The following FAR2 variants were observed in gnomAD, a reference collection of about 807,000 sequenced individuals.
FAR2 encodes the protein epididymis secretory protein Li 81.
Under a neutral mutation model 56.0 loss-of-function variants are expected in FAR2, and 19 were observed. That is an observed-to-expected ratio of 0.34 (90% CI 0.24 to 0.50). The LOEUF is 0.50. Ranked by LOEUF, FAR2 falls within the 20% of genes least tolerant of loss-of-function variation. The probability of loss-of-function intolerance (pLI) is 0.98; values close to 1 mark genes in which losing one functional copy is unlikely to be tolerated. For missense variants in FAR2, 508 were observed against 642.2 expected, an observed-to-expected ratio of 0.79 and a Z score of 2.26; for synonymous variants, 219 against 218.8, an observed-to-expected ratio of 1.00 and a Z score of -0.01.
At chr12:29,197,859 T>A (rs563005757) in intron 1 of FAR2, among the ~76,000 whole-genome samples, 3 of 152,246 alleles carry the variant, frequency 2.0e-5, no homozygotes, top group Admixed American at 1.3e-4. Context: ...ACCTCAGATA[T>A]TTGAACTCAA....
At chr12:29,197,644 A>G (rs34825983) in intron 1 of FAR2, among the ~76,000 whole-genome samples, 5,908 of 152,280 alleles carry the variant, frequency 0.039, 330 homozygotes, top group African/African-American at 0.13. Context: ...AAAACTTTTT[A>G]AACTTAACAA....
At chr12:29,152,510 C>A (rs1015049543) in intron 1 of FAR2, among the ~76,000 whole-genome samples, 4 of 152,210 alleles carry the variant, frequency 2.6e-5, no homozygotes, top group Non-Finnish European at 5.9e-5. Context: ...GCAATACACT[C>A]AGAACCACTG....
At chr12:29,256,640 G>A (rs1262731553) in intron 1 of FAR2, among the ~76,000 whole-genome samples, 1 of 152,258 alleles carries the variant, frequency 6.6e-6, no homozygotes, top group Non-Finnish European at 1.5e-5. Context: ...GGGAGGTGTG[G>A]AGGGAGAGGC....
At chr12:29,163,098 C>G (rs1277653112) in intron 1 of FAR2, among the ~76,000 whole-genome samples, 1 of 152,124 alleles carries the variant, frequency 6.6e-6, no homozygotes, top group Non-Finnish European at 1.5e-5. Context: ...GAGGGGAGAC[C>G]TGGGAACCCC....
intron 1 of FAR2, among the ~76,000 whole-genome samples, chr12:29,200,489 T>C (rs1454842095): frequency 1.3e-5 from 2 of 152,184 alleles, no homozygotes; most frequent in African/African-American, 4.8e-5. Flanking sequence ...AAATTTGGGA[T>C]GCTCTCTCTC....
intron 1 of FAR2, among the ~76,000 whole-genome samples, chr12:29,165,099 CT>C (rs1949813775): frequency 6.6e-6 from 1 of 152,162 alleles, no homozygotes; most frequent in African/African-American, 2.4e-5. Flanking sequence ...AATATTTTCT[CT>C]TTGTTTTCAG....
At chr12:29,310,974 C>G (rs1440580137) in intron 6 of FAR2, 54 bp from the exon 7 acceptor site, 6 of 1,323,214 alleles carry the variant, frequency 4.5e-6, no homozygotes, top group African/African-American at 1.4e-5. Context: ...ATACTTTAGC[C>G]CCAGCTATTA....
intron 2 of FAR2, among the ~76,000 whole-genome samples, chr12:29,282,515 C>T (rs186796006): frequency 1.3e-5 from 2 of 152,284 alleles, no homozygotes; most frequent in African/African-American, 4.8e-5. Context: ...TCTCTCCAGT[C>T]ACACATAATA....
At chr12:29,315,413 G>A (rs1372515872) in intron 8 of FAR2, among the ~76,000 whole-genome samples, 2 of 152,138 alleles carry the variant, frequency 1.3e-5, no homozygotes, top group Non-Finnish European at 2.9e-5. Context: ...CCATGGCTTT[G>A]CCTCCAAATG....
intron 4 of FAR2, 126 bp from the exon 5 acceptor site, chr12:29,307,532 T>C (rs1243721914): frequency 2.2e-6 from 2 of 923,896 alleles, no homozygotes; most frequent in Non-Finnish European, 3.2e-6. Context: ...CTTGGTATCA[T>C]GTGACTGTTC....
At chr12:29,317,346 G>A (rs1949467406) in intron 9 of FAR2, among the ~76,000 whole-genome samples, 1 of 152,174 alleles carries the variant, frequency 6.6e-6, no homozygotes, top group African/African-American at 2.4e-5. Context: ...ATGGCTAAGT[G>A]TGTATGAAAC....
At chr12:29,202,870 C>A (rs1348353971) in intron 1 of FAR2, among the ~76,000 whole-genome samples, 1 of 152,202 alleles carries the variant, frequency 6.6e-6, no homozygotes, top group Non-Finnish European at 1.5e-5. Context: ...AAATAAACCT[C>A]TTTTCTTTGT....
In FAR2 at chr12:29,286,084, C is replaced by T. The variant is rs924052756; in HGVS notation, c.190-7216C>T. 9.4e-5 allele frequency among the ~76,000 whole-genome samples: 10 copies of T among 106,724 alleles called. No homozygotes were observed. The South Asian group carries it at 2.3e-3, about 25-fold the overall frequency. The allele number at this position is 106,724 out of a possible 152,430, so 70.0% of individuals were successfully genotyped here. On this transcript the variant is annotated intron_variant, in intron 2 of 11. Coordinates refer to ENST00000536681, the MANE Select transcript of FAR2 (RefSeq NM_001271783.2). ...ACACAGACACACACACACACACACA[C>T]ACACATACACACACACACAACACAG...
At chr12:29,300,304 T>C (rs928648788) in intron 4 of FAR2, among the ~76,000 whole-genome samples, 2 of 152,206 alleles carry the variant, frequency 1.3e-5, no homozygotes, top group Non-Finnish European at 2.9e-5. Context: ...ACCTGTATGT[T>C]AACTTTTGAA....
intron 1 of FAR2, among the ~76,000 whole-genome samples, chr12:29,178,348 C>G: frequency 6.6e-6 from 1 of 152,150 alleles, no homozygotes; most frequent in East Asian, 1.9e-4. Context: ...AATTCCAGCA[C>G]TTTGGGAGGC....
At chr12:29,218,358 C>CA (rs11382590) in intron 1 of FAR2, among the ~76,000 whole-genome samples, 63,993 of 138,240 alleles carry the variant, frequency 0.46, 14,587 homozygotes, top group Admixed American at 0.58. Flanking sequence ...GACTCCGTCT[C>CA]AAAAAAAAAA....
intron 1 of FAR2, among the ~76,000 whole-genome samples, chr12:29,153,856 T>C (rs1285008033): frequency 6.6e-6 from 1 of 152,154 alleles, no homozygotes; most frequent in East Asian, 1.9e-4. Context: ...TAGATACTGC[T>C]AAATGCTTAT....
At chr12:29,302,558 G>C (rs540934545) in intron 4 of FAR2, among the ~76,000 whole-genome samples, 3 of 152,142 alleles carry the variant, frequency 2.0e-5, no homozygotes, top group African/African-American at 7.2e-5. Flanking sequence ...GATCAAGCTG[G>C]AGGGGAGGAT....
chr12:29,262,026 C>A (rs1395457968), intron 1 of FAR2, among the ~76,000 whole-genome samples: 1 of 152,210 alleles, frequency 6.6e-6, no homozygotes, highest in East Asian at 1.9e-4. Context: ...AATATTACAA[C>A]ACTGTAATTG....
Sources: gnomAD v4.1 joint callset for allele counts (sites outside exome capture counted in the v4.1 genomes callset) on GRCh38, gnomAD v4.1.1 for gene constraint, MANE v1.5 for transcripts, NCBI Gene and HGNC (gene_info 2026-07-23, HGNC 2026-07-21) for gene names.